The following PPP1R16A variants were observed in gnomAD, a reference collection of about 807,000 sequenced individuals.
The protein encoded by PPP1R16A is myosin phosphatase-targeting subunit 3.
PPP1R16A carries 39 observed loss-of-function variants against 46.6 expected under a neutral mutation model. The ratio of observed to expected loss-of-function variants is 0.84; its 90% CI spans 0.65 to 1.09. PPP1R16A has a LOEUF of 1.09. Among genes scored for constraint, PPP1R16A ranks in the 50% least tolerant of loss-of-function variants. The pLI is 0.00. For missense variants in PPP1R16A, 798 were observed against 735.6 expected, an observed-to-expected ratio of 1.08 and a Z score of -0.98; for synonymous variants, 413 against 321.5, an observed-to-expected ratio of 1.28 and a Z score of -3.04.
At chr8:144,499,289 G>C (rs895349151) in intron 5 of PPP1R16A, 12 of 586,276 alleles carry the variant, frequency 2.0e-5, no homozygotes, top group East Asian at 1.5e-4. Context: ...TCCTCCTGCC[G>C]AGAGGGCAGG....
At position 144,500,196 on chromosome 8, in the gene PPP1R16A, C is replaced by A. The variant is rs775630903; in HGVS notation, c.577C>A (p.Arg193Ser). 1.2e-6 allele frequency: 2 copies of A among 1,606,942 alleles called. No homozygotes were observed. The highest frequency in any genetic ancestry group is 1.1e-5 in the South Asian group (1 of 90,038). ...LDCLETAMAD[R>S]GITQDSIEAA... is the part of the protein sequence containing the mutation. ...CTGCCTGGAGACTGCCATGGCCGAC[C>A]GTGGTAGGTGCGGCGGTGCGGCTGT... The change falls in exon 6 of 12, where the codon CGT becomes AGT. Residue 193 changes from arginine (R) to serine (S), a missense_variant. Physicochemically the swap from Arg to Ser is moderately radical, Grantham distance 110 (BLOSUM62 -1). Transcript: ENST00000435887.
intron 1 of PPP1R16A, among the ~76,000 whole-genome samples, chr8:144,483,657 T>C (rs11985172): frequency 0.048 from 7,220 of 151,338 alleles, 532 homozygotes; most frequent in African/African-American, 0.16. Context: ...CCACCCGCCT[T>C]GGCCTCCCAA....
At chr8:144,484,184 A>G (rs1825551346) in intron 1 of PPP1R16A, among the ~76,000 whole-genome samples, 2 of 152,248 alleles carry the variant, frequency 1.3e-5, no homozygotes, top group Non-Finnish European at 2.9e-5. Context: ...CCCTTCCCAC[A>G]GCCCCACCTA....
chr8:144,483,508 C>G (rs1364924006), intron 1 of PPP1R16A, among the ~76,000 whole-genome samples: 2 of 152,032 alleles, frequency 1.3e-5, no homozygotes, highest in Non-Finnish European at 2.9e-5. Flanking sequence ...CTCCTGGATT[C>G]AAGTGATTCT....
At chr8:144,499,835 T>G (rs1329346310) in intron 5 of PPP1R16A, 3 of 471,048 alleles carry the variant, frequency 6.4e-6, no homozygotes, top group East Asian at 3.8e-5. Context: ...AATGCATGTT[T>G]ATGGGGGCAC....
chr8:144,501,953 G>T lies in PPP1R16A; in HGVS notation c.*50G>T. 6.8e-7 allele frequency: 1 copy of T among 1,462,304 alleles called. No individual in the cohort carries two copies. 90.6% of individuals were successfully genotyped at this position (1,462,304 alleles called of 1,614,324 possible). On this transcript the variant is annotated 3_prime_UTR_variant, in exon 12 of 12. Coordinates refer to ENST00000435887, the MANE Select transcript of PPP1R16A (RefSeq NM_001329443.2). ...CCTGTCGCGGGCACAGCCCAAGGCT[G>T]CCTCCCCACGGTGCGTGCCCTGGTG... is the stretch of plus-strand genomic sequence containing the variant.
Position 144,498,934 on chromosome 8 carries a change from C to T in PPP1R16A, c.349C>T (p.Arg117Ter), listed in dbSNP as rs753682349. 2 of 1,612,872 alleles carry T rather than the reference C, an allele frequency of 1.2e-6. No individual in the cohort carries two copies. Among genetic ancestry groups the T allele is most frequent in the Non-Finnish European group, 1.7e-6 (2 of 1,179,918 alleles). ...TTTGCAGTGCTGCATTGATGATTTC[C>T]GAGAGATGGTGCAGCAGCTCCTGGA... ...ALHQCCIDDF[R>*]EMVQQLLEAG... The change falls in exon 5 of 12, where the codon CGA (arginine) becomes TGA (stop). Residue 117 changes from arginine (R) to a stop codon, truncating the protein, a stop_gained. Coordinates refer to ENST00000435887, the MANE Select transcript of PPP1R16A (RefSeq NM_001329443.2). LOFTEE classifies it high-confidence loss of function.
chr8:144,501,894 G>A lies in PPP1R16A; in HGVS notation c.1578G>A (p.Leu526=), dbSNP rs1236912893. The change falls in exon 12 of 12, where the codon CTG becomes CTA. Residue 526 remains leucine (L), a synonymous_variant. Coordinates refer to ENST00000435887, the MANE Select transcript of PPP1R16A (RefSeq NM_001329443.2). ...EAPVERRPCC[L]LM is the part of the protein sequence containing the mutation. ...CCGTGGAGAGGAGGCCGTGCTGCCT[G>A]CTCATGTGAGGCTGTTGCTCAGCAT... 1.4e-5 allele frequency: 22 copies of A among 1,526,648 alleles called. No homozygotes were observed. Among genetic ancestry groups the A allele is most frequent in the African/African-American group, 2.7e-5 (2 of 72,844 alleles). 94.6% of individuals were successfully genotyped at this position (1,526,648 alleles called of 1,614,324 possible). A position where few individuals can be genotyped will look rare whatever the true frequency, so the allele number is the denominator to read the frequency against.
chr8:144,490,372 G>C (rs1003135859), intron 2 of PPP1R16A, among the ~76,000 whole-genome samples, 160 bp downstream of exon 2: 5 of 152,230 alleles, frequency 3.3e-5, no homozygotes, highest in East Asian at 1.9e-4. Context: ...CCTGTGTGGT[G>C]GTGGGCGTCT....
intron 2 of PPP1R16A, among the ~76,000 whole-genome samples, chr8:144,494,334 G>T (rs1825949934): frequency 6.6e-6 from 1 of 151,580 alleles, no homozygotes; most frequent in Non-Finnish European, 1.5e-5. Context: ...TTTTTTTTGA[G>T]ACAGGATCGC....
chr8:144,483,386 G>A (rs745548209), intron 1 of PPP1R16A, among the ~76,000 whole-genome samples: 2 of 152,064 alleles, frequency 1.3e-5, no homozygotes, highest in Non-Finnish European at 2.9e-5. Context: ...GTGTTGTGTC[G>A]TTCTGTTTTC....
chr8:144,500,637 G>A (rs763678112), intron 8 of PPP1R16A, 25 bp downstream of exon 8: 2 of 1,604,162 alleles, frequency 1.2e-6, no homozygotes, highest in African/African-American at 2.7e-5. Flanking sequence ...GAGCAGGTGG[G>A]AGGGGGCTTC....
At chr8:144,480,380 T>G (rs1825359486) in intron 1 of PPP1R16A, among the ~76,000 whole-genome samples, 1 of 152,196 alleles carries the variant, frequency 6.6e-6, no homozygotes, top group Non-Finnish European at 1.5e-5. Context: ...GGTTGCACAA[T>G]CTCCACTCAC....
chr8:144,499,559 C>T (rs532496977), intron 5 of PPP1R16A: 12 of 188,444 alleles, frequency 6.4e-5, no homozygotes, highest in African/African-American at 9.4e-5. Flanking sequence ...CGGTCATTCT[C>T]GAGTGCCCCT....
chr8:144,499,817 GC>G (rs1826317597), intron 5 of PPP1R16A: 1 of 436,570 alleles, frequency 2.3e-6, no homozygotes, highest in Admixed American at 3.6e-5. Context: ...CAGCAGGCAG[GC>G]CCATCCAATG....
intron 1 of PPP1R16A, among the ~76,000 whole-genome samples, chr8:144,479,535 C>T (rs1392474501): frequency 6.6e-6 from 1 of 152,104 alleles, no homozygotes; most frequent in Admixed American, 6.5e-5. Context: ...TGGGCTGGCA[C>T]CTAGCAAGGG....
Position 144,500,124 on chromosome 8 carries a change from G to T in PPP1R16A, c.505G>T (p.Asp169Tyr). ...CGCCAATCTCCTGGCGGTCAACACC[G>T]ACGGGAACATGCCCTATGACCTGTG... ...SGANLLAVNT[D>Y]GNMPYDLCDD... The change falls in exon 6 of 12, where the codon GAC (aspartate) becomes TAC (tyrosine). Residue 169 changes from aspartate (D) to tyrosine (Y), a missense_variant. Asp to Tyr is a radical substitution (Grantham distance 160). Transcript: ENST00000435887. 1.2e-6 allele frequency: 2 copies of T among 1,611,710 alleles called. No individual in the cohort carries two copies. Among genetic ancestry groups the T allele is most frequent in the East Asian group, 2.2e-5 (1 of 44,798 alleles).
At position 144,496,822 on chromosome 8, in the gene PPP1R16A, T is replaced by G; in HGVS notation, c.-373T>G. ...GCAGGGTGCCCGGAAGCTGGAACCT[T>G]GTTATCTGGGTAATTAGTTTCAGAC... On this transcript the variant is annotated 5_prime_UTR_variant, in exon 3 of 12. Transcript: ENST00000435887. The G allele has an allele frequency of 3.5e-6, 1 of 288,506 alleles. No individual in the cohort carries two copies. Among genetic ancestry groups the G allele is most frequent in the Non-Finnish European group, 6.7e-6 (1 of 148,486 alleles). 17.9% of individuals were successfully genotyped at this position (288,506 alleles called of 1,614,324 possible).
At position 144,500,671 on chromosome 8, in the gene PPP1R16A, G is replaced by A. The variant is rs373034425; in HGVS notation, c.832-15G>A. 5.2e-5 allele frequency: 84 copies of A among 1,609,044 alleles called. No homozygotes were observed. The African/African-American group carries it at 1.1e-3, about 21-fold the overall frequency. On this transcript the variant is annotated splice_polypyrimidine_tract_variant and intron_variant, in intron 8 of 11. Transcript: ENST00000435887. ...TCCAGCGCAGCAGTCTGCAGCTCCG[G>A]CCTGCCGTCCACAGGTGCCCCTGGT...
Sources: allele counts gnomAD v4.1 joint callset (sites outside exome capture counted in the v4.1 genomes callset), GRCh38; gene constraint gnomAD v4.1.1; transcripts MANE v1.5; gene names NCBI Gene and HGNC (gene_info 2026-07-23, HGNC 2026-07-21).